The following FOXN2 variants were observed in gnomAD, a reference collection of about 807,000 sequenced individuals.
FOXN2 encodes the protein forkhead box N2, also known as forkhead box protein N2.
Under a neutral mutation model 41.2 loss-of-function variants are expected in FOXN2, and 19 were observed. That is an observed-to-expected ratio of 0.46 (90% CI 0.32 to 0.68). FOXN2 has a LOEUF of 0.68. FOXN2 is among the 30% of genes least tolerant of loss of function. FOXN2 has a pLI of 0.03. For synonymous variants in FOXN2, 195 were observed against 176.8 expected, an observed-to-expected ratio of 1.10 and a Z score of -0.82; for missense variants, 587 against 509.4, an observed-to-expected ratio of 1.15 and a Z score of -1.47.
At chr2:48,314,225 C>T (rs1668730323), upstream of FOXN2, among the ~76,000 whole-genome samples, 1 of 152,276 alleles carries the variant, frequency 6.6e-6, no homozygotes, top group African/African-American at 2.4e-5. Context: ...CACCGAGGGC[C>T]GTACTGCCCT....
chr2:48,332,711 A>G lies in FOXN2; in HGVS notation c.-15+4009A>G, dbSNP rs1373315654. On this transcript the variant is annotated intron_variant, in intron 2 of 6. Transcript: ENST00000340553. The stretch of plus-strand genomic sequence containing the variant: ...GAAAGCTAATAATTTTAAAATTTAT[A>G]GTAGTAATAATCATCATTACCATCT... Among the ~76,000 whole-genome samples, 3 of 152,224 alleles carry G rather than the reference A, an allele frequency of 2.0e-5. No homozygotes were observed. The East Asian group carries it at 5.8e-4, about 29-fold the overall frequency.
intron 3 of FOXN2, among the ~76,000 whole-genome samples, chr2:48,355,714 A>C (rs1671751399): frequency 6.6e-6 from 1 of 152,182 alleles, no homozygotes; most frequent in Non-Finnish European, 1.5e-5. Context: ...GGTTATCTAG[A>C]GATGATAATC....
chr2:48,330,053 GAA>G (rs200912056), intron 2 of FOXN2, among the ~76,000 whole-genome samples: 2 of 147,918 alleles, frequency 1.4e-5, no homozygotes, highest in Non-Finnish European at 3.0e-5. Flanking sequence ...TAATTACCAA[GAA>G]AAAAAAATAA....
In FOXN2 at chr2:48,375,321, G is replaced by C; in HGVS notation, c.1174G>C (p.Glu392Gln). ...AAAGATGCGAAAACAGACATGTCAA[G>C]AAATTGATGAGGAGCTCAAAGAGGC... ...GKKMRKQTCQ[E>Q]IDEELKEAAG... Residue 392 changes from glutamate (E) to glutamine (Q), a missense_variant, in exon 7 of 7, where the codon GAA becomes CAA. Coordinates refer to ENST00000340553, the MANE Select transcript of FOXN2 (RefSeq NM_002158.4). The C allele has an allele frequency of 6.2e-7, 1 of 1,613,804 alleles. No individual in the cohort carries two copies. Among genetic ancestry groups the C allele is most frequent in the Non-Finnish European group, 8.5e-7 (1 of 1,179,892 alleles).
chr2:48,346,721 T>C lies in FOXN2; in HGVS notation c.507T>C (p.Cys169=). ...SVRHNLSLNK[C]FQKVERSHGK... ...GACATAATCTGTCCCTGAATAAATG[T>C]TTTCAGAAAGTGGAAAGAAGCCATG... The change falls in exon 3 of 7, where the codon TGT becomes TGC. Residue 169 remains cysteine, a synonymous_variant. Transcript: ENST00000340553. The C allele has an allele frequency of 6.3e-7, 1 of 1,596,122 alleles. No individual in the cohort carries two copies.
At chr2:48,345,611 A>G (rs756926674) in intron 2 of FOXN2, among the ~76,000 whole-genome samples, 1 of 152,232 alleles carries the variant, frequency 6.6e-6, no homozygotes, top group Admixed American at 6.5e-5. Flanking sequence ...ATAAATATAT[A>G]TAATCATTAT....
intron 3 of FOXN2, among the ~76,000 whole-genome samples, chr2:48,348,318 C>T (rs1234164210): frequency 6.6e-6 from 1 of 151,978 alleles, no homozygotes; most frequent in Non-Finnish European, 1.5e-5. Flanking sequence ...GTTCATTCTG[C>T]TGATAAGCCC....
chr2:48,362,392 C>A (rs564124316), intron 4 of FOXN2, among the ~76,000 whole-genome samples: 1 of 151,988 alleles, frequency 6.6e-6, no homozygotes, highest in Non-Finnish European at 1.5e-5. Flanking sequence ...ATGGTAAAAC[C>A]CTTTCTCTAC....
intron 3 of FOXN2, among the ~76,000 whole-genome samples, chr2:48,353,135 T>G (rs1034360432): frequency 2.8e-4 from 43 of 152,186 alleles, no homozygotes; most frequent in African/African-American, 1.0e-3. Flanking sequence ...CTAGTAACCT[T>G]TAGTAAATAT....
intron 5 of FOXN2, among the ~76,000 whole-genome samples, chr2:48,372,774 C>T (rs1672992380): frequency 6.6e-6 from 1 of 151,902 alleles, no homozygotes; most frequent in East Asian, 1.9e-4. Flanking sequence ...ATTTTTGTTT[C>T]TGCATAATTA....
At chr2:48,339,125 A>G (rs1225304051) in intron 2 of FOXN2, among the ~76,000 whole-genome samples, 1 of 152,210 alleles carries the variant, frequency 6.6e-6, no homozygotes, top group Admixed American at 6.5e-5. Flanking sequence ...TATTCTATAT[A>G]TCCATATACA....
chr2:48,317,822 G>C (rs1031435838), intron 1 of FOXN2, among the ~76,000 whole-genome samples: 4 of 151,626 alleles, frequency 2.6e-5, no homozygotes, highest in African/African-American at 9.7e-5. Context: ...TGGCCAGGCT[G>C]CTCTAGAACT....
rs574980247 is a variant in FOXN2, at chr2:48,317,595, C to CTTTTTTTTTTTTTTTT, written c.-157+2796_-157+2811dup. ...ACAATGCCTATAGCCTATAGTATTG[C>CTTTTTTTTTTTTTTTT]TTTTTTTTTTTTTTTTTTTTTTTTT... On this transcript the variant is annotated intron_variant, in intron 1 of 6. Transcript: ENST00000340553. Among the ~76,000 whole-genome samples, 12 of 34,746 alleles carry CTTTTTTTTTTTTTTTT rather than the reference C, an allele frequency of 3.5e-4. 4 individuals carry two copies. The highest frequency in any genetic ancestry group is 5.7e-4 in the Non-Finnish European group (10 of 17,474). 22.8% of individuals were successfully genotyped at this position (34,746 alleles called of 152,430 possible).
intron 2 of FOXN2, among the ~76,000 whole-genome samples, chr2:48,341,121 C>T (rs1332970724): frequency 6.6e-6 from 1 of 151,842 alleles, no homozygotes; most frequent in Non-Finnish European, 1.5e-5. Context: ...TTATGTGGTT[C>T]ATTGAAATAC....
intron 3 of FOXN2, among the ~76,000 whole-genome samples, chr2:48,356,978 A>G (rs910761478): frequency 6.6e-6 from 1 of 152,232 alleles, no homozygotes; most frequent in Non-Finnish European, 1.5e-5. Flanking sequence ...TTAAACAGTT[A>G]TTATTTGTAT....
rs769658746 is a variant in FOXN2, at chr2:48,351,034, C to T, written c.537+4283C>T. The stretch of plus-strand genomic sequence containing the variant: ...AGGCTGGAGTGCAGTGGCTCAATCT[C>T]GGCCCACTGCAACCTCCGAGGGTTC... On this transcript the variant is annotated intron_variant, in intron 3 of 6. Coordinates refer to ENST00000340553, the MANE Select transcript of FOXN2 (RefSeq NM_002158.4). Among the ~76,000 whole-genome samples, 23 of 144,454 alleles carry T rather than the reference C, an allele frequency of 1.6e-4. 1 individual carries two copies. The highest frequency in any genetic ancestry group is 3.4e-4 in the African/African-American group (13 of 38,596). 94.8% of individuals were successfully genotyped at this position (144,454 alleles called of 152,430 possible).
At chr2:48,356,897 A>G (rs1671829739) in intron 3 of FOXN2, among the ~76,000 whole-genome samples, 1 of 152,234 alleles carries the variant, frequency 6.6e-6, no homozygotes, top group South Asian at 2.1e-4. Context: ...ACGCAAAATA[A>G]TAAAATGAGA....
intron 1 of FOXN2, among the ~76,000 whole-genome samples, chr2:48,327,604 C>G (rs1669761456): frequency 6.6e-6 from 1 of 152,086 alleles, no homozygotes; most frequent in Non-Finnish European, 1.5e-5. Context: ...TGCCACCACG[C>G]CCAGCTAATT....
intron 1 of FOXN2, among the ~76,000 whole-genome samples, chr2:48,324,384 G>A (rs551357309): frequency 1.6e-4 from 24 of 152,104 alleles, no homozygotes; most frequent in Non-Finnish European, 2.5e-4. Context: ...TAGTAGAGAC[G>A]GGTTTTGCCA....
Sources: gnomAD v4.1 joint callset for allele counts (sites outside exome capture counted in the v4.1 genomes callset) on GRCh38, gnomAD v4.1.1 for gene constraint, MANE v1.5 for transcripts, NCBI Gene and HGNC (gene_info 2026-07-23, HGNC 2026-07-21) for gene names.